LONP2: variants seen among roughly 807,000 people sequenced by gnomAD.
LONP2 encodes the protein lon protease homolog 2, peroxisomal.
LONP2 carries 60 observed loss-of-function variants against 85.6 expected under a neutral mutation model. The ratio of observed to expected loss-of-function variants is 0.70; its 90% CI spans 0.57 to 0.87. The LOEUF (loss-of-function observed/expected upper bound fraction) is 0.87, where lower values mean the gene tolerates loss of function less well. Ranked by LOEUF, LONP2 falls within the 40% of genes least tolerant of loss-of-function variation. The probability of loss-of-function intolerance (pLI) is 0.00; values close to 1 mark genes in which losing one functional copy is unlikely to be tolerated. For missense variants in LONP2, 860 were observed against 1,063.5 expected (o/e 0.81, Z 2.66); for synonymous variants, 395 against 389.7 (o/e 1.01, Z -0.16).
downstream of LONP2, chr16:48,361,283 TACA>T (rs1960580947): frequency 3.1e-6 from 1 of 319,896 alleles, no homozygotes; most frequent in Admixed American, 4.7e-5. Context: ...ACAATCAATC[TACA>T]ACAAACACAA....
rs181375612 is a variant in LONP2, at chr16:48,290,266, T to C, written c.1384-5749T>C. ...GATTTAATTTCCATAGTTGAGGATATAGAGGAAAAGTAAACTCAGTTTCTC... is the reference window on the plus strand; with the variant it reads ...GATTTAATTTCCATAGTTGAGGATACAGAGGAAAAGTAAACTCAGTTTCTC... On this transcript the variant is annotated intron_variant, in intron 8 of 14. Coordinates refer to ENST00000285737, the MANE Select transcript of LONP2 (RefSeq NM_031490.5). Among the ~76,000 whole-genome samples the C allele has an allele frequency of 1.6e-4, 25 of 152,316 alleles. No homozygotes were observed. In the East Asian group the frequency reaches 4.4e-3, roughly 27 times the overall value.
intron 11 of LONP2, among the ~76,000 whole-genome samples, chr16:48,328,662 G>A (rs1338688752): frequency 2.7e-5 from 4 of 149,054 alleles, no homozygotes; most frequent in Admixed American, 6.7e-5. Flanking sequence ...TGGGTGACAC[G>A]GGGACTCCGT....
chr16:48,339,284 G>C (rs1370176249), intron 12 of LONP2, among the ~76,000 whole-genome samples: 1 of 152,180 alleles, frequency 6.6e-6, no homozygotes, highest in Non-Finnish European at 1.5e-5. Context: ...AGAAAGAGGG[G>C]ACATCAAAAT....
In LONP2 at chr16:48,261,446, G is replaced by A. The variant is rs948865902; in HGVS notation, c.746G>A (p.Arg249Lys). The A allele has an allele frequency of 6.9e-6, 11 of 1,603,512 alleles. No individual in the cohort carries two copies. The highest frequency in any genetic ancestry group is 8.5e-6 in the Non-Finnish European group (10 of 1,174,572). ...TAGGTTATAGCAATACGCCCTATTA[G>A]GAGAATTACACATATCTCAGGTACT... ...DKRVIAIRPIRRITHISGTLE... is the reference protein window; with the variant it reads ...DKRVIAIRPIKRITHISGTLE... Residue 249 changes from arginine (R) to lysine (K), a missense_variant, in exon 5 of 15, where the codon AGG becomes AAG. Physicochemically the swap from Arg to Lys is conservative, Grantham distance 26 (BLOSUM62 2). This residue lies in a region of LONP2 where 743 missense variants were observed against 917.3 expected (regional missense o/e 0.81). Coordinates refer to ENST00000285737, the MANE Select transcript of LONP2 (RefSeq NM_031490.5).
downstream of LONP2, chr16:48,361,827 C>T: frequency 6.2e-7 from 1 of 1,614,128 alleles, no homozygotes. Flanking sequence ...CTGCTGGTGA[C>T]CATCGTATTT....
chr16:48,291,533 C>T (rs1246850680), intron 8 of LONP2, among the ~76,000 whole-genome samples: 1 of 152,156 alleles, frequency 6.6e-6, no homozygotes, highest in Non-Finnish European at 1.5e-5. Flanking sequence ...AGGAATAATG[C>T]GTCATATCAC....
chr16:48,274,395 C>T (rs560742933), intron 7 of LONP2, among the ~76,000 whole-genome samples: 30 of 151,956 alleles, frequency 2.0e-4, no homozygotes, highest in Middle Eastern at 6.8e-3. Flanking sequence ...ATGTGGTGAG[C>T]GCTCTCTGGG....
chr16:48,329,836 G>T (rs555346659), intron 11 of LONP2, among the ~76,000 whole-genome samples: 1 of 152,298 alleles, frequency 6.6e-6, no homozygotes, highest in Non-Finnish European at 1.5e-5. Context: ...ATATGCCATG[G>T]TTTACTTAAC....
At chr16:48,343,174 C>G (rs1317241240) in intron 12 of LONP2, among the ~76,000 whole-genome samples, 2 of 152,156 alleles carry the variant, frequency 1.3e-5, no homozygotes, top group Admixed American at 6.5e-5. Context: ...TGGCCTGTAA[C>G]AGAGCCTGCA....
intron 10 of LONP2, 51 bp downstream of exon 10, chr16:48,299,839 T>G (rs1417230735): frequency 1.4e-5 from 22 of 1,562,042 alleles, no homozygotes; most frequent in Non-Finnish European, 1.7e-5. Flanking sequence ...TTTTGAGTAT[T>G]TACTGAGTTA....
chr16:48,245,102 C>A (rs1172472590), intron 1 of LONP2, among the ~76,000 whole-genome samples: 1 of 152,158 alleles, frequency 6.6e-6, no homozygotes, highest in African/African-American at 2.4e-5. Flanking sequence ...TGAGTTTTAA[C>A]TTTTCCTGTT....
chr16:48,253,389 G>C (rs950242900), intron 2 of LONP2, among the ~76,000 whole-genome samples: 1 of 151,806 alleles, frequency 6.6e-6, no homozygotes, highest in Non-Finnish European at 1.5e-5. Context: ...AGGATTACTT[G>C]AACCTAGTAG....
At chr16:48,361,640 A>G (rs955375539), downstream of LONP2, 15 of 1,613,020 alleles carry the variant, frequency 9.3e-6, no homozygotes, top group Non-Finnish European at 1.3e-5. Flanking sequence ...AAAGCTGTGC[A>G]ATGCTGGTGT....
chr16:48,255,415 C>A (rs997200378), intron 2 of LONP2, among the ~76,000 whole-genome samples: 1 of 152,122 alleles, frequency 6.6e-6, no homozygotes, highest in Non-Finnish European at 1.5e-5. Context: ...TTAGTATATT[C>A]GAAGGAAGTT....
chr16:48,358,331 G>A (rs1960451044), downstream of LONP2, among the ~76,000 whole-genome samples: 1 of 151,644 alleles, frequency 6.6e-6, no homozygotes, highest in Admixed American at 6.6e-5. Context: ...ATAATCCCAA[G>A]AATATAAACA....
intron 11 of LONP2, among the ~76,000 whole-genome samples, chr16:48,324,831 G>A (rs1397106113): frequency 6.6e-6 from 1 of 151,878 alleles, no homozygotes; most frequent in African/African-American, 2.4e-5. Flanking sequence ...ACATATTTAT[G>A]GGGTATAGTG....
rs539748453 is a variant in LONP2, at chr16:48,328,547, G to A, written c.1796-5669G>A. 1.7e-4 allele frequency among the ~76,000 whole-genome samples: 26 copies of A among 152,092 alleles called. 1 individual carries two copies. Among genetic ancestry groups the A allele is most frequent in the Admixed American group, 1.0e-3 (16 of 15,272 alleles). On this transcript the variant is annotated intron_variant, in intron 11 of 14. Transcript: ENST00000285737. ...ACAAAAATTAGCCAGGCATGGTGAC[G>A]TGTGCCTGTAATCTCAGCTTCTCAG...
At position 48,362,444 on chromosome 16, in the gene LONP2, A is replaced by G. The variant is rs369461465; in HGVS notation, c.*581A>G. 1.3e-4 allele frequency: 203 copies of G among 1,612,294 alleles called. No individual in the cohort carries two copies. The highest frequency in any genetic ancestry group is 1.2e-3 in the Middle Eastern group (7 of 6,058). On this transcript the variant is annotated 3_prime_UTR_variant, in exon 5 of 5. Transcript: ENST00000565867. This position sits in a 1 kb window ranked among gnomAD's most constrained non-coding sequence, Gnocchi z 4.2. The stretch of plus-strand genomic sequence containing the variant: ...GACGGCTCATTTCTGAAATAAATAC[A>G]TAAGGAGGCAGGAGAAAAATAATTA...
intron 11 of LONP2, among the ~76,000 whole-genome samples, chr16:48,316,003 G>T (rs1384074214): frequency 7.4e-6 from 1 of 135,340 alleles, no homozygotes. Flanking sequence ...AATGGCCACT[G>T]GATATTTTTT....
Sources: gnomAD v4.1 joint callset for allele counts (sites outside exome capture counted in the v4.1 genomes callset) on GRCh38, gnomAD v4.1.1 for gene constraint, gnomAD v4.1.1 regional missense constraint, Gnocchi (gnomAD v3.1) non-coding constraint, MANE v1.5 for transcripts, NCBI Gene and HGNC (gene_info 2026-07-23, HGNC 2026-07-21) for gene names.